HOOK3: variants seen among roughly 807,000 people sequenced by gnomAD.
HOOK3 encodes the protein hook microtubule tethering protein 3, also known as protein Hook homolog 3.
Under a neutral mutation model 116.3 loss-of-function variants are expected in HOOK3, and 24 were observed. That is an observed-to-expected ratio of 0.21 (90% CI 0.15 to 0.29). The LOEUF (loss-of-function observed/expected upper bound fraction) is 0.29, where lower values mean the gene tolerates loss of function less well. HOOK3 is among the 10% of genes least tolerant of loss of function. The probability of loss-of-function intolerance (pLI) is 1.00; values close to 1 mark genes in which losing one functional copy is unlikely to be tolerated. For missense variants in HOOK3, 632 were observed against 830.2 expected (o/e 0.76, Z 2.93); for synonymous variants, 275 against 283.0 (o/e 0.97, Z 0.28).
intron 13 of HOOK3, among the ~76,000 whole-genome samples, chr8:42,976,854 G>A (rs766719042): frequency 3.9e-5 from 6 of 152,116 alleles, no homozygotes; most frequent in South Asian, 2.1e-4. Context: ...CTGAGATCGC[G>A]CCACTGCACT....
intron 2 of HOOK3, among the ~76,000 whole-genome samples, chr8:42,914,856 C>G (rs1362076296): frequency 6.6e-6 from 1 of 152,118 alleles, no homozygotes. Context: ...GTGGCTCATG[C>G]CTGTAATCCC....
At chr8:42,931,056 A>G (rs1807863035) in intron 4 of HOOK3, among the ~76,000 whole-genome samples, 1 of 152,234 alleles carries the variant, frequency 6.6e-6, no homozygotes, top group Non-Finnish European at 1.5e-5. Context: ...CCACATTCTT[A>G]CCATGAACGA....
intron 21 of HOOK3, among the ~76,000 whole-genome samples, chr8:43,014,825 C>T (rs1421141614): frequency 6.6e-6 from 1 of 152,146 alleles, no homozygotes; most frequent in African/African-American, 2.4e-5. Context: ...ATATTATTTT[C>T]ACATCTGTAT....
intron 11 of HOOK3, among the ~76,000 whole-genome samples, chr8:42,972,583 T>C (rs1426591673): frequency 6.6e-6 from 1 of 152,184 alleles, no homozygotes; most frequent in Non-Finnish European, 1.5e-5. Context: ...TTTTAAATTG[T>C]AGAGACTGGG....
At chr8:42,988,612 G>A (rs914210408) in intron 15 of HOOK3, among the ~76,000 whole-genome samples, 1 of 151,754 alleles carries the variant, frequency 6.6e-6, no homozygotes, top group Non-Finnish European at 1.5e-5. Context: ...TTAGATTATG[G>A]CTGCCTATGA....
At chr8:42,931,805 A>G (rs943874030) in intron 4 of HOOK3, among the ~76,000 whole-genome samples, 2 of 151,326 alleles carry the variant, frequency 1.3e-5, no homozygotes, top group Non-Finnish European at 2.9e-5. Flanking sequence ...CCCAGGGTAG[A>G]GTGCAGTAGC....
intron 4 of HOOK3, among the ~76,000 whole-genome samples, chr8:42,934,224 A>G (rs1807922808): frequency 6.6e-6 from 1 of 151,878 alleles, no homozygotes; most frequent in African/African-American, 2.4e-5. Context: ...ATGATTATAC[A>G]CCTTCTTCTA....
chr8:42,982,663 G>A lies in HOOK3; in HGVS notation c.1358G>A (p.Ser453Asn). 1 of 1,612,808 alleles carries A rather than the reference G, an allele frequency of 6.2e-7. No individual in the cohort carries two copies. The highest frequency in any genetic ancestry group is 8.5e-7 in the Non-Finnish European group (1 of 1,178,902). ...CTTGGAAGTCAGGAGTCTTCAGACAGTCTAGCTGCAGAGATTGTTACACCT... is the reference window on the plus strand; with the variant it reads ...CTTGGAAGTCAGGAGTCTTCAGACAATCTAGCTGCAGAGATTGTTACACCT... ...MPLGSQESSDSLAAEIVTPEI... is the reference protein window; with the variant it reads ...MPLGSQESSDNLAAEIVTPEI... Residue 453 changes from serine (S) to asparagine (N), a missense_variant, in exon 14 of 22, where the codon AGT becomes AAT. Physicochemically the swap from Ser to Asn is conservative, Grantham distance 46. Around this residue, in one of 3 missense-constraint regions of HOOK3, gnomAD observed 483 missense variants for 648.1 expected, o/e 0.75. Transcript: ENST00000307602.
chr8:43,008,622 A>G (rs1246205734), intron 18 of HOOK3, among the ~76,000 whole-genome samples: 2 of 145,974 alleles, frequency 1.4e-5, no homozygotes, highest in Admixed American at 1.3e-4. Flanking sequence ...CCTGGCCTAT[A>G]TTAAATTTTT....
chr8:42,901,960 G>A (rs1008994741), intron 1 of HOOK3, among the ~76,000 whole-genome samples: 1 of 152,126 alleles, frequency 6.6e-6, no homozygotes, highest in Admixed American at 6.6e-5. Flanking sequence ...CACCCGCCTC[G>A]GCTTCCAAAT....
At chr8:42,913,502 C>T (rs556563553) in intron 2 of HOOK3, among the ~76,000 whole-genome samples, 24 of 152,226 alleles carry the variant, frequency 1.6e-4, no homozygotes, top group Non-Finnish European at 2.9e-4. Context: ...CCACAATTTA[C>T]ATATCCATTC....
At chr8:42,911,993 T>C (rs547431331) in intron 2 of HOOK3, among the ~76,000 whole-genome samples, 128 of 152,338 alleles carry the variant, frequency 8.4e-4, no homozygotes, top group South Asian at 6.2e-3. Context: ...AAGCTGTAAG[T>C]GTGGATTAAA....
intron 4 of HOOK3, among the ~76,000 whole-genome samples, chr8:42,938,914 G>A (rs1341100181): frequency 6.6e-6 from 1 of 151,944 alleles, no homozygotes; most frequent in African/African-American, 2.4e-5. Context: ...GAGTGGTGAT[G>A]ACTCTTAACG....
At chr8:43,008,594 C>A (rs970283589) in intron 18 of HOOK3, among the ~76,000 whole-genome samples, 1 of 152,014 alleles carries the variant, frequency 6.6e-6, no homozygotes, top group Non-Finnish European at 1.5e-5. Flanking sequence ...ACTGGGATTA[C>A]AGATGTGAGC....
intron 8 of HOOK3, among the ~76,000 whole-genome samples, chr8:42,962,282 G>A (rs62515945): frequency 7.2e-6 from 1 of 138,778 alleles, no homozygotes; most frequent in Non-Finnish European, 1.5e-5. Flanking sequence ...TTTTTTTTTG[G>A]TAGAAATGGG....
At chr8:42,964,184 G>A in intron 8 of HOOK3, 127 bp from the exon 9 acceptor site, 1 of 884,282 alleles carries the variant, frequency 1.1e-6, no homozygotes, top group Non-Finnish European at 1.7e-6. Context: ...TCCAGCCTGG[G>A]CGACAGTGAG....
intron 21 of HOOK3, among the ~76,000 whole-genome samples, chr8:43,016,206 C>A (rs576137145): frequency 1.3e-5 from 2 of 151,034 alleles, no homozygotes; most frequent in African/African-American, 4.9e-5. Context: ...TAAGCTCCGA[C>A]TCCTGGGTTC....
At chr8:42,992,845 G>A (rs760547887) in intron 15 of HOOK3, among the ~76,000 whole-genome samples, 3 of 151,632 alleles carry the variant, frequency 2.0e-5, no homozygotes, top group Non-Finnish European at 4.4e-5. Flanking sequence ...TTCTAGTACT[G>A]TGTTGAATAA....
At chr8:43,010,159 G>T in intron 18 of HOOK3, 146 bp from the exon 19 acceptor site, 1 of 171,080 alleles carries the variant, frequency 5.8e-6, no homozygotes, top group Non-Finnish European at 1.3e-5. Flanking sequence ...TGTAAAAATA[G>T]ACCAGTCTCT....
Sources: gnomAD v4.1 joint callset for allele counts (sites outside exome capture counted in the v4.1 genomes callset) on GRCh38, gnomAD v4.1.1 for gene constraint, gnomAD v4.1.1 regional missense constraint, MANE v1.5 for transcripts, NCBI Gene and HGNC (gene_info 2026-07-23, HGNC 2026-07-21) for gene names.